The following FAM120C variants were observed in gnomAD, a reference collection of about 807,000 sequenced individuals.
FAM120C encodes the protein constitutive coactivator of PPAR-gamma-like protein 2.
Under a neutral mutation model 71.2 loss-of-function variants are expected in FAM120C, and 14 were observed. The observed-to-expected ratio is 0.20, with a 90% CI of 0.13 to 0.31. The LOEUF is 0.31. Ranked by LOEUF, FAM120C falls within the 10% of genes least tolerant of loss-of-function variation. The probability of loss-of-function intolerance (pLI) is 1.00; values close to 1 mark genes in which losing one functional copy is unlikely to be tolerated. For synonymous variants in FAM120C, 354 were observed against 353.2 expected (o/e 1.00, Z -0.03); for missense variants, 500 against 879.0 (o/e 0.57, Z 5.45).
chrX:54,133,643 C>G, intron 8 of FAM120C, 130 bp downstream of exon 8: 1 of 737,638 alleles, frequency 1.4e-6, no homozygotes, highest in Non-Finnish European at 1.9e-6. Context: ...GATGAGGGGC[C>G]CACCACATGT....
chrX:54,072,426 T>C lies in FAM120C; in HGVS notation c.*607A>G, dbSNP rs1456980110. The C allele has an allele frequency of 3.6e-5, 4 of 109,954 alleles. No individual in the cohort carries two copies. Among genetic ancestry groups the C allele is most frequent in the Non-Finnish European group, 7.6e-5 (4 of 52,711 alleles). 9.1% of individuals were successfully genotyped at this position (109,954 alleles called of 1,213,427 possible). ...AAGTGTATAAAATAAAAAATAAAAA[T>C]TAAAATAACCAATACTACCTTACTT... On this transcript the variant is annotated 3_prime_UTR_variant, in exon 16 of 16. Coordinates refer to ENST00000375180, the MANE Select transcript of FAM120C (RefSeq NM_017848.6).
At chrX:54,130,476 A>G (rs1346965569) in intron 9 of FAM120C, among the ~76,000 whole-genome samples, 3 of 111,642 alleles carry the variant, frequency 2.7e-5, no homozygotes, top group Non-Finnish European at 5.6e-5. Flanking sequence ...GGAATTTTCC[A>G]TTGAAAACTG....
intron 1 of FAM120C, among the ~76,000 whole-genome samples, chrX:54,170,316 T>C (rs1557135776): frequency 9.1e-6 from 1 of 110,423 alleles, no homozygotes; most frequent in East Asian, 2.8e-4. Flanking sequence ...TTTGTATTTC[T>C]AGTAGAGAGT....
intron 1 of FAM120C, among the ~76,000 whole-genome samples, chrX:54,168,050 G>GTA (rs1352501857): frequency 1.8e-5 from 2 of 111,100 alleles, no homozygotes; most frequent in Non-Finnish European, 3.8e-5. Flanking sequence ...GTAGTCTAAA[G>GTA]AAGTGGCTTG....
intron 1 of FAM120C, among the ~76,000 whole-genome samples, chrX:54,169,404 G>A (rs1333019536): frequency 4.5e-5 from 5 of 111,723 alleles, no homozygotes; most frequent in African/African-American, 1.6e-4. Context: ...ATAAACACAA[G>A]GGCATAAAAA....
At chrX:54,163,163 C>G (rs782348484) in intron 1 of FAM120C, among the ~76,000 whole-genome samples, 1 of 111,818 alleles carries the variant, frequency 8.9e-6, no homozygotes, top group Non-Finnish European at 1.9e-5. Flanking sequence ...AATGATTTCA[C>G]TCCTAAGTAT....
chrX:54,145,745 G>A (rs193268795), intron 4 of FAM120C, among the ~76,000 whole-genome samples: 315 of 112,176 alleles, frequency 2.8e-3, no homozygotes, highest in Middle Eastern at 0.014. Flanking sequence ...GGAAGACAGT[G>A]TGGTGATTCC....
chrX:54,141,751 T>C (rs2067127044), intron 4 of FAM120C, among the ~76,000 whole-genome samples: 1 of 110,885 alleles, frequency 9.0e-6, no homozygotes, highest in Non-Finnish European at 1.9e-5. Flanking sequence ...AAGTAATAAG[T>C]GAGTTTAGAA....
chrX:54,086,148 T>C (rs2066793351), intron 12 of FAM120C, among the ~76,000 whole-genome samples: 1 of 111,677 alleles, frequency 9.0e-6, no homozygotes. Context: ...GACTCAGGGC[T>C]TGTGATGTAC....
In FAM120C at chrX:54,091,441, C is replaced by T. The variant is rs375082156; in HGVS notation, c.2313-15G>A. 2.7e-6 allele frequency: 3 copies of T among 1,129,900 alleles called. No homozygotes were observed. Among genetic ancestry groups the T allele is most frequent in the African/African-American group, 3.6e-5 (2 of 55,926 alleles). 93.1% of individuals were successfully genotyped at this position (1,129,900 alleles called of 1,213,427 possible). ...GAACCATGTACCTAGAAAATAAAAGCACTGTTATTAGGCCACAAAAGCTCA... is the reference window on the plus strand; with the variant it reads ...GAACCATGTACCTAGAAAATAAAAGTACTGTTATTAGGCCACAAAAGCTCA... On this transcript the variant is annotated splice_polypyrimidine_tract_variant and intron_variant, in intron 10 of 15. Coordinates refer to ENST00000375180, the MANE Select transcript of FAM120C (RefSeq NM_017848.6).
chrX:54,129,464 T>C (rs1237117060), intron 9 of FAM120C, among the ~76,000 whole-genome samples: 10 of 105,926 alleles, frequency 9.4e-5, no homozygotes, highest in Non-Finnish European at 1.2e-4. Flanking sequence ...GATGGGATGG[T>C]GGCCGGGAAG....
rs148853753 is a variant in FAM120C at position 54,179,004 on chromosome X, C to T, written c.699+3496G>A. Among the ~76,000 whole-genome samples, 574 of 111,717 alleles carry T rather than the reference C, an allele frequency of 5.1e-3. 2 individuals carry two copies. Among genetic ancestry groups the T allele is most frequent in the African/African-American group, 0.018 (561 of 30,791 alleles). ...AACCATTAAAACAAAGCATTCATTC[C>T]CTTAATCACCCTAAATTATCTCCTG... On this transcript the variant is annotated intron_variant, in intron 1 of 15. Transcript: ENST00000375180.
intron 9 of FAM120C, among the ~76,000 whole-genome samples, chrX:54,127,293 T>A (rs782020284): frequency 3.6e-5 from 4 of 110,595 alleles, no homozygotes; most frequent in Non-Finnish European, 5.7e-5. Flanking sequence ...ATCCCTTTTC[T>A]TTTTAAGAGA....
chrX:54,071,391 A>T lies in FAM120C; in HGVS notation c.*1642T>A, dbSNP rs1481188063. On this transcript the variant is annotated 3_prime_UTR_variant, in exon 16 of 16. Transcript: ENST00000375180. ...TCTTCCTTGCAAAGCAAATGAAAAGATCCAGTAGTCAGAATGTCAATGAAC... is the reference window on the plus strand; with the variant it reads ...TCTTCCTTGCAAAGCAAATGAAAAGTTCCAGTAGTCAGAATGTCAATGAAC... The T allele has an allele frequency of 8.9e-6, 1 of 112,951 alleles. No homozygotes were observed. Among genetic ancestry groups the T allele is most frequent in the Non-Finnish European group, 1.9e-5 (1 of 53,349 alleles). 9.3% of individuals were successfully genotyped at this position (112,951 alleles called of 1,213,427 possible). A position where few individuals can be genotyped will look rare whatever the true frequency, so the allele number is the denominator to read the frequency against.
At chrX:54,148,281 A>T (rs188306212) in intron 4 of FAM120C, among the ~76,000 whole-genome samples, 363 of 107,590 alleles carry the variant, frequency 3.4e-3, no homozygotes, top group South Asian at 4.8e-3. Flanking sequence ...AACCAATTTT[A>T]AAAAAAAAAG....
chrX:54,141,977 G>A (rs1389129152), intron 4 of FAM120C, among the ~76,000 whole-genome samples: 1 of 111,288 alleles, frequency 9.0e-6, no homozygotes, highest in Non-Finnish European at 1.9e-5. Context: ...AAATAAATAG[G>A]CAAATAATAT....
intron 13 of FAM120C, among the ~76,000 whole-genome samples, chrX:54,083,477 A>ACACACACC (rs1269380471): frequency 4.3e-4 from 45 of 104,875 alleles, no homozygotes; most frequent in African/African-American, 1.5e-3. Context: ...ACACACACAC[A>ACACACACC]CCAAAATATT....
intron 10 of FAM120C, among the ~76,000 whole-genome samples, chrX:54,098,422 T>C (rs1603353558): frequency 9.0e-6 from 1 of 111,574 alleles, no homozygotes; most frequent in East Asian, 2.8e-4. Context: ...TCATCAGCAA[T>C]GTATGAGGGT....
At chrX:54,158,879 T>C (rs1319774301) in intron 2 of FAM120C, among the ~76,000 whole-genome samples, 3 of 112,260 alleles carry the variant, frequency 2.7e-5, no homozygotes, top group Non-Finnish European at 5.6e-5. Context: ...GTGGTGGATA[T>C]AGGGTTTTTA....
Sources: allele counts gnomAD v4.1 joint callset (sites outside exome capture counted in the v4.1 genomes callset), GRCh38; gene constraint gnomAD v4.1.1; transcripts MANE v1.5; gene names NCBI Gene and HGNC (gene_info 2026-07-23, HGNC 2026-07-21).